Variants in SLC26A7 observed in about 807,000 individuals in gnomAD.
SLC26A7 encodes solute carrier family 26 member 7.
Under a neutral mutation model 82.5 loss-of-function variants are expected in SLC26A7, and 59 were observed. The ratio of observed to expected loss-of-function variants is 0.72; its 90% CI spans 0.58 to 0.89. The LOEUF is 0.89. Among genes scored for constraint, SLC26A7 ranks in the 40% least tolerant of loss-of-function variants. The pLI is 0.00. For missense variants in SLC26A7, 820 were observed against 793.0 expected (o/e 1.03, Z -0.41); for synonymous variants, 271 against 274.3 (o/e 0.99, Z 0.12).
At chr8:91,355,919 T>G (rs1586446845) in intron 11 of SLC26A7, among the ~76,000 whole-genome samples, 1 of 152,046 alleles carries the variant, frequency 6.6e-6, no homozygotes, top group East Asian at 1.9e-4. Flanking sequence ...GATGTTCCCC[T>G]TCCTGTGTCC....
chr8:91,284,340 TTTA>T (rs1448218182), intron 2 of SLC26A7, among the ~76,000 whole-genome samples: 3 of 152,158 alleles, frequency 2.0e-5, no homozygotes, highest in African/African-American at 7.2e-5. Context: ...CCTTTAGGGT[TTTA>T]CATGAGCTAG....
At chr8:91,261,442 C>A (rs945424407) in intron 2 of SLC26A7, among the ~76,000 whole-genome samples, 11 of 152,000 alleles carry the variant, frequency 7.2e-5, no homozygotes, top group Admixed American at 6.6e-4. Context: ...GTATTGGTTT[C>A]AGCCACTTTT....
chr8:91,333,386 A>G (rs1277113248), intron 5 of SLC26A7, among the ~76,000 whole-genome samples: 1 of 152,158 alleles, frequency 6.6e-6, no homozygotes, highest in Non-Finnish European at 1.5e-5. Context: ...AGGGCTGCAC[A>G]CTTTTAAAGA....
At position 91,373,405 on chromosome 8, in the gene SLC26A7, C is replaced by T. The variant is rs758111318; in HGVS notation, c.1675+3572C>T. On this transcript the variant is annotated intron_variant, in intron 15 of 18. Coordinates refer to ENST00000276609, the MANE Select transcript of SLC26A7 (RefSeq NM_052832.4). ...ATTTTGATGTATGTTCCTTTAATACCTAATTTGTTGAGGGTTTGTGTCGTG... is the reference window on the plus strand; with the variant it reads ...ATTTTGATGTATGTTCCTTTAATACTTAATTTGTTGAGGGTTTGTGTCGTG... 2.6e-5 allele frequency among the ~76,000 whole-genome samples: 4 copies of T among 151,784 alleles called. No individual in the cohort carries two copies. In the East Asian group the frequency reaches 7.7e-4, roughly 29 times the overall value.
At chr8:91,219,958 C>T (rs929129086) in intron 2 of SLC26A7, among the ~76,000 whole-genome samples, 1 of 152,130 alleles carries the variant, frequency 6.6e-6, no homozygotes, top group African/African-American at 2.4e-5. Flanking sequence ...ACGTATGGTC[C>T]TTCTGGTGGA....
chr8:91,315,731 T>C (rs766754692), intron 4 of SLC26A7, among the ~76,000 whole-genome samples: 16 of 152,228 alleles, frequency 1.1e-4, no homozygotes, highest in Non-Finnish European at 1.9e-4. Flanking sequence ...TTTTAAGTTT[T>C]ACAGAGTTAG....
intron 2 of SLC26A7, among the ~76,000 whole-genome samples, chr8:91,234,573 A>G (rs772741978): frequency 4.6e-5 from 7 of 151,952 alleles, no homozygotes; most frequent in Non-Finnish European, 7.4e-5. Flanking sequence ...TACTTGCTCC[A>G]TTCTCAAGTC....
At chr8:91,252,926 G>A (rs1810699906) in intron 2 of SLC26A7, among the ~76,000 whole-genome samples, 1 of 151,924 alleles carries the variant, frequency 6.6e-6, no homozygotes, top group Non-Finnish European at 1.5e-5. Context: ...TGTATTGGAG[G>A]TAGCATTGAC....
intron 1 of SLC26A7, among the ~76,000 whole-genome samples, chr8:91,218,059 G>A (rs1810086589): frequency 6.6e-6 from 1 of 151,858 alleles, no homozygotes; most frequent in South Asian, 2.1e-4. Flanking sequence ...GGATCTCAGA[G>A]TTCTTTTGTG....
At chr8:91,348,227 C>A in intron 9 of SLC26A7, 1 of 589,254 alleles carries the variant, frequency 1.7e-6, no homozygotes, top group Non-Finnish European at 2.1e-6. Context: ...CTTTAGTTAT[C>A]TAATGTCATC....
At chr8:91,333,785 AAG>A (rs1339104677) in intron 5 of SLC26A7, among the ~76,000 whole-genome samples, 1 of 152,206 alleles carries the variant, frequency 6.6e-6, no homozygotes, top group Non-Finnish European at 1.5e-5. Context: ...GACAATAAAC[AAG>A]TAAGTTAATG....
intron 15 of SLC26A7, among the ~76,000 whole-genome samples, chr8:91,381,758 C>T (rs755262890): frequency 6.6e-6 from 1 of 152,124 alleles, no homozygotes; most frequent in African/African-American, 2.4e-5. Context: ...TTATCTCTCT[C>T]TCTTGTTCAA....
chr8:91,273,016 G>C (rs1442426164), intron 2 of SLC26A7, among the ~76,000 whole-genome samples: 1 of 152,160 alleles, frequency 6.6e-6, no homozygotes, highest in East Asian at 1.9e-4. Context: ...GTTTAGATCA[G>C]TGTTTTATGT....
At chr8:91,311,937 G>T (rs901558934) in intron 4 of SLC26A7, among the ~76,000 whole-genome samples, 1 of 152,152 alleles carries the variant, frequency 6.6e-6, no homozygotes, top group Non-Finnish European at 1.5e-5. Context: ...GTAGGTATCT[G>T]CTTAGGAACA....
chr8:91,213,588 T>A (rs771792707), intron 1 of SLC26A7, among the ~76,000 whole-genome samples: 2 of 152,084 alleles, frequency 1.3e-5, no homozygotes, highest in Non-Finnish European at 2.9e-5. Flanking sequence ...AAAATTTGAG[T>A]TTAAATGCTA....
chr8:91,250,482 A>G (rs1337201562), intron 2 of SLC26A7, among the ~76,000 whole-genome samples: 4 of 152,134 alleles, frequency 2.6e-5, no homozygotes, highest in African/African-American at 9.6e-5. Flanking sequence ...ACTAAATGAT[A>G]TTCTGGATTT....
rs537429723 is a variant in SLC26A7 at position 91,362,015 on chromosome 8, G to A, written c.1315-338G>A. Reference sequence around the variant, plus strand: ...TGCTTGTAATAATATTACATTAAATGAGAAAGCAGTGGGAAATCATGGCAT... The same window carrying A: ...TGCTTGTAATAATATTACATTAAATAAGAAAGCAGTGGGAAATCATGGCAT... On this transcript the variant is annotated intron_variant, in intron 11 of 18. Transcript: ENST00000276609. Among the ~76,000 whole-genome samples, 3 of 152,212 alleles carry A rather than the reference G, an allele frequency of 2.0e-5. No individual in the cohort carries two copies. In the South Asian group the frequency reaches 6.2e-4, roughly 32 times the overall value.
At chr8:91,219,821 T>C (rs1346642153) in intron 2 of SLC26A7, among the ~76,000 whole-genome samples, 2 of 152,154 alleles carry the variant, frequency 1.3e-5, no homozygotes, top group Admixed American at 1.3e-4. Flanking sequence ...ACGTGATCTC[T>C]TTGCATGCTC....
intron 5 of SLC26A7, among the ~76,000 whole-genome samples, chr8:91,331,391 G>T (rs562566958): frequency 6.6e-6 from 1 of 152,176 alleles, no homozygotes; most frequent in South Asian, 2.1e-4. Context: ...GTAACCTAGA[G>T]AATTCAACCA....
Sources: gnomAD v4.1 joint callset for allele counts (sites outside exome capture counted in the v4.1 genomes callset) on GRCh38, gnomAD v4.1.1 for gene constraint, MANE v1.5 for transcripts, NCBI Gene and HGNC (gene_info 2026-07-23, HGNC 2026-07-21) for gene names.